UTRN: variants seen among roughly 807,000 people sequenced by gnomAD.
UTRN encodes dystrophin-related protein 1.
In UTRN, 283 loss-of-function variants were observed where a neutral mutation model predicts 463.9. That is an observed-to-expected ratio of 0.61 (90% CI 0.55 to 0.67). UTRN has a LOEUF of 0.67. Ranked by LOEUF, UTRN falls within the 30% of genes least tolerant of loss-of-function variation. The probability of loss-of-function intolerance (pLI) is 0.00; values close to 1 mark genes in which losing one functional copy is unlikely to be tolerated. For missense variants in UTRN, 3,922 were observed against 4,084.3 expected (o/e 0.96, Z 1.08); for synonymous variants, 1,442 against 1,431.5 (o/e 1.01, Z -0.17).
chr6:144,389,608 T>TC (rs35048869), intron 2 of UTRN, among the ~76,000 whole-genome samples: 2 of 151,188 alleles, frequency 1.3e-5, no homozygotes, highest in Admixed American at 1.3e-4. Flanking sequence ...CTTTTTTTTT[T>TC]CCCCCCCTGA....
intron 52 of UTRN, among the ~76,000 whole-genome samples, chr6:144,690,374 A>C (rs1477634262): frequency 6.6e-6 from 1 of 151,890 alleles, no homozygotes; most frequent in Non-Finnish European, 1.5e-5. Context: ...TTGGCAAGGC[A>C]GGTCTCACAT....
At chr6:144,486,767 G>A (rs139029596) in intron 28 of UTRN, among the ~76,000 whole-genome samples, 2 of 152,178 alleles carry the variant, frequency 1.3e-5, no homozygotes, top group South Asian at 2.1e-4. Flanking sequence ...TGATCCACCC[G>A]CTTCGGCCTC....
At chr6:144,599,204 A>T (rs1396552375) in intron 51 of UTRN, among the ~76,000 whole-genome samples, 1 of 152,204 alleles carries the variant, frequency 6.6e-6, no homozygotes, top group Non-Finnish European at 1.5e-5. Flanking sequence ...GTATTTCCTG[A>T]TATATACCTG....
In UTRN at chr6:144,537,740, T is replaced by C. The variant is rs1412531546; in HGVS notation, c.6369+23T>C. 2.5e-6 allele frequency: 4 copies of C among 1,604,130 alleles called. No individual in the cohort carries two copies. The African/African-American group carries it at 4.0e-5, about 16-fold the overall frequency. On this transcript the variant is annotated intron_variant, in intron 44 of 74. Transcript: ENST00000367545. ...AGAGTAAGTTGTTTATTTCTGTCTA[T>C]ATGCCTTTTGGTGCCCGAACATTAT...
At chr6:144,443,772 C>T (rs1392851630) in intron 13 of UTRN, among the ~76,000 whole-genome samples, 1 of 151,904 alleles carries the variant, frequency 6.6e-6, no homozygotes, top group East Asian at 1.9e-4. Context: ...TTTATTGTCT[C>T]ATAAAAATTC....
chr6:144,499,212 A>G (rs756549179), intron 33 of UTRN, 45 bp from the exon 34 acceptor site: 2 of 1,570,300 alleles, frequency 1.3e-6, no homozygotes, highest in East Asian at 2.3e-5. Flanking sequence ...ATTTATGTTC[A>G]TTCCCATCTC....
At chr6:144,673,199 A>G (rs1251323785) in intron 51 of UTRN, among the ~76,000 whole-genome samples, 1 of 152,072 alleles carries the variant, frequency 6.6e-6, no homozygotes, top group Non-Finnish European at 1.5e-5. Flanking sequence ...CATTTGTTCT[A>G]GGGTATAGTT....
intron 65 of UTRN, among the ~76,000 whole-genome samples, chr6:144,812,370 G>A (rs900183328): frequency 6.6e-6 from 1 of 152,088 alleles, no homozygotes; most frequent in African/African-American, 2.4e-5. Context: ...AAGGGGGTTA[G>A]CTTTTCTACA....
At position 144,470,311 on chromosome 6, in the gene UTRN, C is replaced by T. The variant is rs556366966; in HGVS notation, c.3067-3409C>T. On this transcript the variant is annotated intron_variant, in intron 23 of 74. Coordinates refer to ENST00000367545, the MANE Select transcript of UTRN (RefSeq NM_007124.3). ...GGCGCCCCCCACCTCCCAGACGGGGCGGCTGCCGGGCGGAGACGCTCCTCA... is the reference window on the plus strand; with the variant it reads ...GGCGCCCCCCACCTCCCAGACGGGGTGGCTGCCGGGCGGAGACGCTCCTCA... Among the ~76,000 whole-genome samples, 9 of 150,262 alleles carry T rather than the reference C, an allele frequency of 6.0e-5. No homozygotes were observed. In the South Asian group the frequency reaches 8.5e-4, roughly 14 times the overall value.
rs749526406 is a variant in UTRN at position 144,451,418 on chromosome 6, A to T, written c.2121A>T (p.Lys707Asn). ...TGTTGAACTGGATTTTGAAATGGAAAACTGCCATTCAGACCACAGAGATAA... is the reference window on the plus strand; with the variant it reads ...TGTTGAACTGGATTTTGAAATGGAATACTGCCATTCAGACCACAGAGATAA... ...AELLNWILKW[K>N]TAIQTTEIKE... The change falls in exon 18 of 75, where the codon AAA becomes AAT. Residue 707 changes from lysine to asparagine, a missense_variant. Coordinates refer to ENST00000367545, the MANE Select transcript of UTRN (RefSeq NM_007124.3). 4 of 1,613,544 alleles carry T rather than the reference A, an allele frequency of 2.5e-6. No homozygotes were observed. In the South Asian group the frequency reaches 4.4e-5, roughly 18 times the overall value.
chr6:144,344,622 T>C (rs1777415324), intron 2 of UTRN, among the ~76,000 whole-genome samples: 1 of 152,254 alleles, frequency 6.6e-6, no homozygotes, highest in African/African-American at 2.4e-5. Flanking sequence ...ATTTTCAAAA[T>C]AGCTTACTCT....
At chr6:144,539,190 A>T in intron 44 of UTRN, 104 bp from the exon 45 acceptor site, 1 of 1,270,816 alleles carries the variant, frequency 7.9e-7, no homozygotes. Context: ...TTAACAAATT[A>T]GAAAGTTACA....
At chr6:144,437,900 T>A (rs1368404220) in intron 11 of UTRN, among the ~76,000 whole-genome samples, 154 bp downstream of exon 11, 1 of 152,266 alleles carries the variant, frequency 6.6e-6, no homozygotes, top group Non-Finnish European at 1.5e-5. Context: ...GCTGGAATTC[T>A]GCATGATCTT....
intron 53 of UTRN, chr6:144,708,460 C>T (rs142253464): frequency 3.0e-5 from 18 of 598,842 alleles, no homozygotes; most frequent in African/African-American, 3.0e-4. Flanking sequence ...GGGCCTCTGA[C>T]TCCTCACGCC....
At chr6:144,418,968 T>G (rs1347101646) in intron 3 of UTRN, among the ~76,000 whole-genome samples, 1 of 152,228 alleles carries the variant, frequency 6.6e-6, no homozygotes, top group Non-Finnish European at 1.5e-5. Flanking sequence ...CTAAGATCCT[T>G]TCTATGCCTA....
At chr6:144,743,378 G>T (rs1200680927) in intron 54 of UTRN, among the ~76,000 whole-genome samples, 4 of 152,078 alleles carry the variant, frequency 2.6e-5, no homozygotes, top group African/African-American at 9.7e-5. Context: ...GAGAAACATA[G>T]TTTCATTTTT....
rs1322295811 is a variant in UTRN at position 144,836,320 on chromosome 6, G to C, written c.9844G>C (p.Glu3282Gln). Residue 3282 changes from glutamate to glutamine, a missense_variant, in exon 71 of 75, where the codon GAG (glutamate) becomes CAG (glutamine). Around this residue, in one of 3 missense-constraint regions of UTRN, gnomAD observed 1,309 missense variants for 1,452.6 expected, o/e 0.90. Coordinates refer to ENST00000367545, the MANE Select transcript of UTRN (RefSeq NM_007124.3). ...TATTAGAAATCTACAGGTGGAGTAT[G>C]AGCAGCTGAAGGACCAGCACCTCCG... ...EEQRNLQVEY[E>Q]QLKDQHLRRG... The C allele has an allele frequency of 6.2e-7, 1 of 1,613,990 alleles. No homozygotes were observed. The highest frequency in any genetic ancestry group is 8.5e-7 in the Non-Finnish European group (1 of 1,180,000).
intron 50 of UTRN, among the ~76,000 whole-genome samples, chr6:144,576,209 C>T (rs1166951536): frequency 6.6e-6 from 1 of 152,146 alleles, no homozygotes; most frequent in Admixed American, 6.5e-5. Flanking sequence ...AATGCTGCTA[C>T]AAACATTTGT....
chr6:144,387,918 C>T (rs1032008608), intron 2 of UTRN, among the ~76,000 whole-genome samples: 4 of 152,210 alleles, frequency 2.6e-5, no homozygotes, highest in Non-Finnish European at 5.9e-5. Context: ...AGCAGACAGA[C>T]CCGCAGACAG....
Sources: gnomAD v4.1 joint callset for allele counts (sites outside exome capture counted in the v4.1 genomes callset) on GRCh38, gnomAD v4.1.1 for gene constraint, gnomAD v4.1.1 regional missense constraint, MANE v1.5 for transcripts, NCBI Gene and HGNC (gene_info 2026-07-23, HGNC 2026-07-21) for gene names.